Variants in KCNT1 observed in about 807,000 individuals in gnomAD.
The protein encoded by KCNT1 is potassium sodium-activated channel subfamily T member 1, also known as potassium channel subfamily T member 1.
A neutral mutation model predicts 147.8 loss-of-function variants in KCNT1; 78 were observed. That is an observed-to-expected ratio of 0.53 (90% CI 0.44 to 0.64). The LOEUF is 0.64. KCNT1 is among the 30% of genes least tolerant of loss of function. KCNT1 has a pLI of 0.00. For missense variants in KCNT1, 1,419 were observed against 1,750.3 expected (o/e 0.81, Z 3.38); for synonymous variants, 867 against 748.8 (o/e 1.16, Z -2.58).
At chr9:135,705,509 C>T (rs1835216135) in intron 1 of KCNT1, among the ~76,000 whole-genome samples, 1 of 152,226 alleles carries the variant, frequency 6.6e-6, no homozygotes, top group Non-Finnish European at 1.5e-5. Context: ...GGCCCGCCAG[C>T]CAGCTTGTGT....
At chr9:135,748,028 A>G (rs6537912) in intron 2 of KCNT1, among the ~76,000 whole-genome samples, 142,427 of 152,248 alleles carry the variant, frequency 0.94, 66,664 homozygotes, top group East Asian at 0.99. Context: ...TTCAGCCTCA[A>G]ACTCCTAAGT....
At chr9:135,710,724 C>T (rs983097242) in intron 1 of KCNT1, among the ~76,000 whole-genome samples, 2 of 152,210 alleles carry the variant, frequency 1.3e-5, no homozygotes, top group Admixed American at 6.5e-5. Context: ...CTTTTCACAA[C>T]TGCTGTGGCT....
chr9:135,758,359 G>C, intron 9 of KCNT1, 55 bp from the exon 10 acceptor site: 1 of 1,322,318 alleles, frequency 7.6e-7, no homozygotes, highest in Non-Finnish European at 1.1e-6. Context: ...CTATTCATTG[G>C]CTCCTGGCGG....
chr9:135,724,177 C>A (rs1267816407), intron 2 of KCNT1, among the ~76,000 whole-genome samples: 1 of 152,238 alleles, frequency 6.6e-6, no homozygotes, highest in South Asian at 2.1e-4. Context: ...CAGTCCAGGC[C>A]AGCCTCAGGG....
At chr9:135,703,872 G>A (rs553763406) in intron 1 of KCNT1, among the ~76,000 whole-genome samples, 9 of 152,306 alleles carry the variant, frequency 5.9e-5, no homozygotes, top group South Asian at 2.1e-4. Flanking sequence ...CCTGCCCACC[G>A]GCCCGGGACA....
intron 1 of KCNT1, among the ~76,000 whole-genome samples, chr9:135,703,895 C>G (rs993425878): frequency 6.6e-6 from 1 of 152,264 alleles, no homozygotes; most frequent in Non-Finnish European, 1.5e-5. Context: ...TCCTCCTCCC[C>G]GCTGGACTGA....
At chr9:135,708,231 T>C (rs534115651) in intron 1 of KCNT1, among the ~76,000 whole-genome samples, 30 of 152,270 alleles carry the variant, frequency 2.0e-4, no homozygotes, top group African/African-American at 7.0e-4. Context: ...CATGCACACA[T>C]ATGTCCACAT....
At chr9:135,781,271 T>C (rs1833590068) in intron 24 of KCNT1, among the ~76,000 whole-genome samples, 1 of 152,184 alleles carries the variant, frequency 6.6e-6, no homozygotes, top group Non-Finnish European at 1.5e-5. Flanking sequence ...TGGGCTGACA[T>C]GGTGCTGGGG....
intron 22 of KCNT1, 73 bp from the exon 23 acceptor site, chr9:135,778,615 G>A (rs1833354791): frequency 1.2e-6 from 2 of 1,606,474 alleles, no homozygotes; most frequent in Admixed American, 1.7e-5. Context: ...CCTGCCTTCT[G>A]ACCAAATCCC....
chr9:135,778,052 C>T (rs1354706220), intron 21 of KCNT1, among the ~76,000 whole-genome samples: 1 of 152,082 alleles, frequency 6.6e-6, no homozygotes, highest in Non-Finnish European at 1.5e-5. Context: ...CCCCCTCCTC[C>T]CTTGTCACTC....
In KCNT1 at chr9:135,792,165, A is replaced by C. The variant is rs375167637; in HGVS notation, c.*4A>C. ...TCGCGACGAGACACAGCTCTGAGCC[A>C]GCCCTGCACGGAGCTCAGGCCACCA... On this transcript the variant is annotated 3_prime_UTR_variant, in exon 31 of 31. Transcript: ENST00000371757. The C allele has an allele frequency of 4.4e-6, 7 of 1,604,028 alleles. No homozygotes were observed. The African/African-American group carries it at 9.4e-5, about 21-fold the overall frequency.
At chr9:135,770,483 A>AG in intron 17 of KCNT1, 36 bp downstream of exon 17, 1 of 1,587,024 alleles carries the variant, frequency 6.3e-7, no homozygotes, top group Non-Finnish European at 8.6e-7. Flanking sequence ...CTGGCGCTCC[A>AG]GGGCTGCTCT....
rs376758763 is a variant in KCNT1, at chr9:135,778,428, G to C, written c.2527G>C (p.Asp843His). ...CCAGGACCGCTGTCCCCACAGGCCC[G>C]ACCACCACTTCCTGGAAGCCATCTG... is the stretch of plus-strand genomic sequence containing the variant. Reference protein sequence around the residue: ...PIVLLLDNKPDHHFLEAICCF... With the variant: ...PIVLLLDNKPHHHFLEAICCF... Residue 843 changes from aspartate to histidine, a missense_variant, in exon 22 of 31, where the codon GAC becomes CAC. By Grantham distance (81) the Asp-to-His change is moderately conservative (BLOSUM62 -1). This residue lies in a region of KCNT1 where 247 missense variants were observed against 397.1 expected (regional missense o/e 0.62). Coordinates refer to ENST00000371757, the MANE Select transcript of KCNT1 (RefSeq NM_020822.3). 2.6e-6 allele frequency: 4 copies of C among 1,550,890 alleles called. No individual in the cohort carries two copies. The highest frequency in any genetic ancestry group is 2.0e-5 in the Admixed American group (1 of 50,996).
chr9:135,758,698 C>G (rs1389828462), intron 10 of KCNT1, among the ~76,000 whole-genome samples, 190 bp downstream of exon 10: 1 of 152,216 alleles, frequency 6.6e-6, no homozygotes, highest in Non-Finnish European at 1.5e-5. Context: ...GCCCACGTCC[C>G]CAGTACACGA....
chr9:135,749,904 G>A (rs752975207), intron 2 of KCNT1, among the ~76,000 whole-genome samples, 194 bp from the exon 3 acceptor site: 8 of 152,122 alleles, frequency 5.3e-5, no homozygotes, highest in East Asian at 1.9e-4. Flanking sequence ...AGGCTGGGTC[G>A]GCTGTCTGCT....
At chr9:135,764,973 C>A in intron 11 of KCNT1, 58 bp from the exon 12 acceptor site, 1 of 1,545,422 alleles carries the variant, frequency 6.5e-7, no homozygotes, top group Non-Finnish European at 8.8e-7. Context: ...AGGTTCTTCA[C>A]CGGGAGCCCT....
rs763882197 is a variant in KCNT1, at chr9:135,702,402, G to A, written c.110+34G>A. 5.3e-6 allele frequency: 8 copies of A among 1,506,526 alleles called. No individual in the cohort carries two copies. The South Asian group carries it at 8.0e-5, about 15-fold the overall frequency. 93.3% of individuals were successfully genotyped at this position (1,506,526 alleles called of 1,614,324 possible). A position where few individuals can be genotyped will look rare whatever the true frequency, so the allele number is the denominator to read the frequency against. ...TGCTGCGCCCTCCCCACGCGGGGAGGCCCCGGTCTAACCTAAGACCCCCAA... is the reference window on the plus strand; with the variant it reads ...TGCTGCGCCCTCCCCACGCGGGGAGACCCCGGTCTAACCTAAGACCCCCAA... On this transcript the variant is annotated intron_variant, in intron 1 of 30. Transcript: ENST00000371757.
chr9:135,772,555 A>T (rs891691850), intron 18 of KCNT1, among the ~76,000 whole-genome samples, 160 bp from the exon 19 acceptor site: 1 of 152,104 alleles, frequency 6.6e-6, no homozygotes, highest in Non-Finnish European at 1.5e-5. Flanking sequence ...TGTTGTATGG[A>T]GGGGGAAACT....
In KCNT1 at chr9:135,777,244, A is replaced by G. The variant is rs112639178; in HGVS notation, c.2350-94A>G. On this transcript the variant is annotated intron_variant, in intron 20 of 30. Transcript: ENST00000371757. Reference sequence around the variant, plus strand: ...CCGAGAGGCTAACGGCTGGGTGTTCACGGGGGATGTTTGGTGAGGGGTCTG... The same window carrying G: ...CCGAGAGGCTAACGGCTGGGTGTTCGCGGGGGATGTTTGGTGAGGGGTCTG... 46 of 1,357,612 alleles carry G rather than the reference A, an allele frequency of 3.4e-5. 1 individual carries two copies. The African/African-American group carries it at 4.5e-4, about 13-fold the overall frequency. The allele number at this position is 1,357,612 out of a possible 1,614,324, so 84.1% of individuals were successfully genotyped here. A position where few individuals can be genotyped will look rare whatever the true frequency, so the allele number is the denominator to read the frequency against.
Sources: gnomAD v4.1 joint callset for allele counts (sites outside exome capture counted in the v4.1 genomes callset) on GRCh38, gnomAD v4.1.1 for gene constraint, gnomAD v4.1.1 regional missense constraint, MANE v1.5 for transcripts, NCBI Gene and HGNC (gene_info 2026-07-23, HGNC 2026-07-21) for gene names.